The following DAPK2 variants were observed in gnomAD, a reference collection of about 807,000 sequenced individuals.
DAPK2 encodes death-associated protein kinase 2.
In DAPK2, 35 loss-of-function variants were observed where a neutral mutation model predicts 44.1. The observed-to-expected ratio is 0.79, with a 90% CI of 0.61 to 1.05. DAPK2 has a LOEUF of 1.05. Ranked by LOEUF, DAPK2 falls within the 50% of genes least tolerant of loss-of-function variation. The pLI is 0.00. For missense variants in DAPK2, 453 were observed against 483.2 expected (o/e 0.94, Z 0.59); for synonymous variants, 174 against 182.6 (o/e 0.95, Z 0.38).
intron 1 of DAPK2, among the ~76,000 whole-genome samples, chr15:63,996,739 C>T (rs556493199): frequency 7.7e-4 from 117 of 152,326 alleles, no homozygotes; most frequent in South Asian, 4.3e-3. Flanking sequence ...ATTTCACAGA[C>T]GGCTAAAGGG....
At chr15:63,931,624 G>T (rs978840079) in intron 4 of DAPK2, among the ~76,000 whole-genome samples, 1 of 152,166 alleles carries the variant, frequency 6.6e-6, no homozygotes, top group African/African-American at 2.4e-5. Flanking sequence ...GTGCCTGAGG[G>T]GCAGCCAGGG....
At chr15:63,971,949 A>G (rs1200387589) in intron 2 of DAPK2, among the ~76,000 whole-genome samples, 1 of 152,240 alleles carries the variant, frequency 6.6e-6, no homozygotes, top group Non-Finnish European at 1.5e-5. Flanking sequence ...TTGAAATTCT[A>G]ACCCCCAAGG....
intron 2 of DAPK2, among the ~76,000 whole-genome samples, chr15:63,979,819 G>C (rs1010592948): frequency 6.6e-5 from 10 of 152,120 alleles, no homozygotes; most frequent in Non-Finnish European, 1.5e-4. Flanking sequence ...AGGAGGCTAA[G>C]GCACAGGATC....
Position 63,966,191 on chromosome 15 carries a change from C to T in DAPK2, c.453+5232G>A, listed in dbSNP as rs1409870528. On this transcript the variant is annotated intron_variant, in intron 3 of 10. Coordinates refer to ENST00000261891, the Ensembl canonical transcript of DAPK2. This position sits in a 1 kb window ranked among gnomAD's most constrained non-coding sequence, Gnocchi z 5.5. ...TCCTTCCCTTCAAGGCAGTGGATTC[C>T]CTTCTGGCTCAGAGAGTGTCTAGAA... Among the ~76,000 whole-genome samples the T allele has an allele frequency of 1.3e-5, 2 of 152,148 alleles. No individual in the cohort carries two copies. The highest frequency in any genetic ancestry group is 2.9e-5 in the Non-Finnish European group (2 of 68,022).
intron 1 of DAPK2, among the ~76,000 whole-genome samples, chr15:64,009,422 C>G (rs332292): frequency 6.6e-6 from 1 of 152,082 alleles, no homozygotes; most frequent in South Asian, 2.1e-4. Context: ...ATTATTTTCT[C>G]CTTCCCATCA....
In DAPK2 at chr15:63,980,130, T is replaced by G. The variant is rs1237293436; in HGVS notation, c.314+3403A>C. Among the ~76,000 whole-genome samples the G allele has an allele frequency of 6.6e-6, 1 of 152,010 alleles. No individual in the cohort carries two copies. The highest frequency in any genetic ancestry group is 1.9e-4 in the East Asian group (1 of 5,184). ...GAGACAGAAACGGGACAGAACTTAA[T>G]AAGCACAGAGGCCCAAGCAAGTCAT... is the stretch of plus-strand genomic sequence containing the variant. On this transcript the variant is annotated intron_variant, in intron 2 of 10. Transcript: ENST00000261891. This position sits in a 1 kb window ranked among gnomAD's most constrained non-coding sequence, Gnocchi z 4.3.
chr15:63,983,455 G>T, intron 2 of DAPK2, 78 bp downstream of exon 3: 1 of 1,380,390 alleles, frequency 7.2e-7, no homozygotes. Flanking sequence ...TGCCCCCTGG[G>T]GCCTGTGGCT....
intron 1 of DAPK2, among the ~76,000 whole-genome samples, chr15:63,997,667 T>G (rs915909203): frequency 6.6e-6 from 1 of 152,154 alleles, no homozygotes; most frequent in African/African-American, 2.4e-5. Context: ...GCCTCTAAAA[T>G]GGTCTCTTTC....
At chr15:64,018,407 G>C (rs1346672360) in intron 1 of DAPK2, among the ~76,000 whole-genome samples, 2 of 152,196 alleles carry the variant, frequency 1.3e-5, no homozygotes, top group African/African-American at 4.8e-5. Context: ...CTCTTTTACT[G>C]GTTGTTTTAA....
chr15:63,954,850 C>T lies in DAPK2; in HGVS notation c.454-15489G>A, dbSNP rs1595791623. Among the ~76,000 whole-genome samples the T allele has an allele frequency of 2.0e-5, 3 of 152,056 alleles. 1 individual carries two copies. Among genetic ancestry groups the T allele is most frequent in the Admixed American group, 1.3e-4 (2 of 15,256 alleles). Reference sequence around the variant, plus strand: ...TCTCTCATCAATGTTTTATAGTTTTCATTATAGAGATCTTTCACATATTTT... The same window carrying T: ...TCTCTCATCAATGTTTTATAGTTTTTATTATAGAGATCTTTCACATATTTT... On this transcript the variant is annotated intron_variant, in intron 3 of 10. Transcript: ENST00000261891.
In DAPK2 at chr15:64,013,485, C is replaced by T. The variant is rs1046430839; in HGVS notation, c.92+26685G>A. 3.9e-5 allele frequency among the ~76,000 whole-genome samples: 6 copies of T among 152,194 alleles called. No individual in the cohort carries two copies. Among genetic ancestry groups the T allele is most frequent in the Admixed American group, 2.6e-4 (4 of 15,276 alleles). The stretch of plus-strand genomic sequence containing the variant: ...AACAGCTATGTCTCTGATTACCTTG[C>T]ATTCAGTCCTATGGAAGCAAATACC... On this transcript the variant is annotated intron_variant, in intron 1 of 10. Coordinates refer to ENST00000261891, the Ensembl canonical transcript of DAPK2. The surrounding 1 kb of genome is among the most constrained non-coding windows in gnomAD (Gnocchi z 4.7).
Position 64,020,435 on chromosome 15 carries a change from G to A in DAPK2, c.92+19735C>T, listed in dbSNP as rs1404266858. Among the ~76,000 whole-genome samples, 1 of 152,190 alleles carries A rather than the reference G, an allele frequency of 6.6e-6. No individual in the cohort carries two copies. The highest frequency in any genetic ancestry group is 1.5e-5 in the Non-Finnish European group (1 of 68,034). On this transcript the variant is annotated intron_variant, in intron 1 of 10. Coordinates refer to ENST00000261891, the Ensembl canonical transcript of DAPK2. This position sits in a 1 kb window ranked among gnomAD's most constrained non-coding sequence, Gnocchi z 4.5. ...TTCCCCAAGAGTGGCATGTTCTCTT[G>A]CAGTAATGATTAAGGTGATACCATG...
intron 1 of DAPK2, among the ~76,000 whole-genome samples, chr15:64,036,301 GTGTGTGTGTATATATA>G (rs2080185107): frequency 2.3e-5 from 1 of 43,236 alleles, no homozygotes; most frequent in African/African-American, 4.6e-5. Flanking sequence ...GTGTGTGTGT[GTGTGTGTGTATATATA>G]TGTATATATA....
intron 2 of DAPK2, among the ~76,000 whole-genome samples, chr15:63,973,235 G>A (rs908832397): frequency 2.0e-5 from 3 of 152,250 alleles, no homozygotes; most frequent in African/African-American, 7.2e-5. Flanking sequence ...TGGGTGTGTG[G>A]CTGCTTTCAC....
At chr15:63,983,083 G>C (rs1450167529) in intron 2 of DAPK2, among the ~76,000 whole-genome samples, 1 of 152,184 alleles carries the variant, frequency 6.6e-6, no homozygotes, top group East Asian at 1.9e-4. Context: ...CCCCAGGAAA[G>C]GGCTGGAGAA....
intron 1 of DAPK2, among the ~76,000 whole-genome samples, chr15:63,987,003 T>A (rs544309210): frequency 6.6e-6 from 1 of 152,172 alleles, no homozygotes; most frequent in African/African-American, 2.4e-5. Context: ...AGAAAGGGAA[T>A]CAGAGGGGAG....
chr15:64,019,048 T>C (rs2079611945), intron 1 of DAPK2, among the ~76,000 whole-genome samples: 1 of 152,186 alleles, frequency 6.6e-6, no homozygotes, highest in Non-Finnish European at 1.5e-5. Context: ...TGGTTGGTGC[T>C]TAACCAGTGG....
intron 1 of DAPK2, among the ~76,000 whole-genome samples, chr15:64,031,236 CT>C (rs780761441): frequency 3.4e-3 from 483 of 141,488 alleles, no homozygotes; most frequent in Middle Eastern, 3.7e-3. Flanking sequence ...GGCAGATTTT[CT>C]TTTTTTTTTT....
At chr15:63,991,853 C>T (rs890072803) in intron 1 of DAPK2, among the ~76,000 whole-genome samples, 5 of 152,148 alleles carry the variant, frequency 3.3e-5, no homozygotes, top group Non-Finnish European at 7.3e-5. Context: ...GGCTAAGTAC[C>T]AGGAGCCAGA....
Sources: gnomAD v4.1 joint callset for allele counts (sites outside exome capture counted in the v4.1 genomes callset) on GRCh38, gnomAD v4.1.1 for gene constraint, Gnocchi (gnomAD v3.1) non-coding constraint, MANE v1.5 for transcripts, NCBI Gene and HGNC (gene_info 2026-07-23, HGNC 2026-07-21) for gene names.